VAT1L: variants seen among roughly 807,000 people sequenced by gnomAD.
The protein encoded by VAT1L is putative NADPH-dependent quinone oxidoreductase VAT1L.
In VAT1L, 34 loss-of-function variants were observed where a neutral mutation model predicts 44.1. The ratio of observed to expected loss-of-function variants is 0.77; its 90% CI spans 0.59 to 1.03. The LOEUF is 1.03. Ranked by LOEUF, VAT1L falls within the 50% of genes least tolerant of loss-of-function variation. VAT1L has a pLI of 0.00. For missense variants in VAT1L, 615 were observed against 538.8 expected (o/e 1.14, Z -1.40); for synonymous variants, 253 against 202.2 (o/e 1.25, Z -2.13).
At chr16:77,965,629 G>A (rs949768856) in intron 7 of VAT1L, among the ~76,000 whole-genome samples, 3 of 152,192 alleles carry the variant, frequency 2.0e-5, no homozygotes, top group Admixed American at 2.0e-4. Flanking sequence ...GCAGCTGGCC[G>A]TGGCATCCCA....
At chr16:77,910,759 C>T (rs1434138237) in intron 7 of VAT1L, among the ~76,000 whole-genome samples, 1 of 151,776 alleles carries the variant, frequency 6.6e-6, no homozygotes, top group East Asian at 1.9e-4. Flanking sequence ...AGAAGCCCTG[C>T]ATTAAAGAAA....
At chr16:77,971,451 TA>T (rs1195623055) in intron 7 of VAT1L, among the ~76,000 whole-genome samples, 1 of 152,048 alleles carries the variant, frequency 6.6e-6, no homozygotes, top group Admixed American at 6.6e-5. Context: ...GAGTCACAGT[TA>T]AATAACATTG....
chr16:77,938,175 T>G (rs1314485146), intron 7 of VAT1L, among the ~76,000 whole-genome samples: 4 of 152,136 alleles, frequency 2.6e-5, no homozygotes, highest in Non-Finnish European at 4.4e-5. Context: ...GAGTTTTCTG[T>G]TTTAATATGC....
chr16:77,806,395 A>T (rs2145221868), intron 1 of VAT1L, among the ~76,000 whole-genome samples: 1 of 151,708 alleles, frequency 6.6e-6, no homozygotes, highest in South Asian at 2.1e-4. Context: ...TATTTTTAGT[A>T]GAGACAGGTT....
chr16:77,881,872 G>A (rs2017158780), intron 6 of VAT1L, among the ~76,000 whole-genome samples: 2 of 152,250 alleles, frequency 1.3e-5, no homozygotes, highest in African/African-American at 2.4e-5. Flanking sequence ...AACCACACTG[G>A]TCCCAAATTA....
At chr16:77,791,931 C>G (rs556954248) in intron 1 of VAT1L, among the ~76,000 whole-genome samples, 6 of 152,100 alleles carry the variant, frequency 3.9e-5, no homozygotes, top group Admixed American at 3.3e-4. Context: ...GAATACTTTA[C>G]GCAACAAGAG....
At chr16:77,964,779 CTTTTTTTTTTTTT>C (rs10566511) in intron 7 of VAT1L, among the ~76,000 whole-genome samples, 30,308 of 92,174 alleles carry the variant, frequency 0.33, 5,405 homozygotes, top group Non-Finnish European at 0.39. Flanking sequence ...CTTTGTAGCA[CTTTTTTTTTTTTT>C]TTTTTTTTTT....
chr16:77,930,371 C>G (rs770358724), intron 7 of VAT1L, among the ~76,000 whole-genome samples: 2 of 152,162 alleles, frequency 1.3e-5, no homozygotes, highest in Non-Finnish European at 2.9e-5. Flanking sequence ...CCAATTCCAC[C>G]TACCCCATCC....
intron 2 of VAT1L, among the ~76,000 whole-genome samples, chr16:77,823,186 G>C (rs574684638): frequency 7.9e-4 from 120 of 151,790 alleles, no homozygotes; most frequent in African/African-American, 2.7e-3. Context: ...CTCACCTCCA[G>C]GCTACTCTGA....
At chr16:77,923,282 C>T (rs577450557) in intron 7 of VAT1L, among the ~76,000 whole-genome samples, 1 of 152,196 alleles carries the variant, frequency 6.6e-6, no homozygotes, top group Admixed American at 6.5e-5. Flanking sequence ...AACCCCGTAT[C>T]TACCAAAAAT....
At chr16:77,883,271 C>T (rs533780574) in intron 6 of VAT1L, among the ~76,000 whole-genome samples, 9 of 152,222 alleles carry the variant, frequency 5.9e-5, no homozygotes, top group South Asian at 4.2e-4. Flanking sequence ...AGAAACTGGA[C>T]GCTTGGATTT....
intron 7 of VAT1L, among the ~76,000 whole-genome samples, chr16:77,954,484 G>T (rs902328098): frequency 1.3e-5 from 2 of 152,150 alleles, no homozygotes; most frequent in African/African-American, 2.4e-5. Flanking sequence ...AATTAGCCGG[G>T]TGTGGTAGCG....
At chr16:77,813,436 CAT>C (rs2016299517) in intron 1 of VAT1L, among the ~76,000 whole-genome samples, 1 of 152,136 alleles carries the variant, frequency 6.6e-6, no homozygotes, top group Non-Finnish European at 1.5e-5. Flanking sequence ...GCTATAAACA[CAT>C]GTGTGAAGTA....
chr16:77,924,666 T>A (rs1482396115), intron 7 of VAT1L, among the ~76,000 whole-genome samples: 3 of 152,172 alleles, frequency 2.0e-5, no homozygotes, highest in Non-Finnish European at 4.4e-5. Flanking sequence ...TTCACCATGT[T>A]GGCCAGGCTG....
At chr16:77,966,087 A>G (rs1185479910) in intron 7 of VAT1L, among the ~76,000 whole-genome samples, 1 of 152,268 alleles carries the variant, frequency 6.6e-6, no homozygotes, top group Non-Finnish European at 1.5e-5. Flanking sequence ...ATATATTGAA[A>G]TAACATGTTG....
intron 6 of VAT1L, among the ~76,000 whole-genome samples, chr16:77,883,678 A>C (rs906614295): frequency 6.6e-6 from 1 of 152,208 alleles, no homozygotes; most frequent in Admixed American, 6.5e-5. Context: ...TCTGGGGGAC[A>C]AAACTACCCC....
intron 7 of VAT1L, among the ~76,000 whole-genome samples, chr16:77,965,576 G>C (rs1395480524): frequency 6.6e-6 from 1 of 152,154 alleles, no homozygotes; most frequent in African/African-American, 2.4e-5. Context: ...CAGAATCCCA[G>C]CCCTGGAAAA....
intron 3 of VAT1L, among the ~76,000 whole-genome samples, chr16:77,831,595 G>C (rs57447269): frequency 6.6e-6 from 1 of 152,062 alleles, no homozygotes; most frequent in Non-Finnish European, 1.5e-5. Context: ...ATACCTGACC[G>C]GTACTCCTCA....
intron 1 of VAT1L, among the ~76,000 whole-genome samples, chr16:77,798,292 G>A (rs12149606): frequency 6.6e-6 from 1 of 152,130 alleles, no homozygotes. Flanking sequence ...AGAGGCAGTA[G>A]GCTTCTTGGT....
Sources: allele counts gnomAD v4.1 joint callset (sites outside exome capture counted in the v4.1 genomes callset), GRCh38; gene constraint gnomAD v4.1.1; transcripts MANE v1.5; gene names NCBI Gene and HGNC (gene_info 2026-07-23, HGNC 2026-07-21).